The following TAFA1 variants were observed in gnomAD, a reference collection of about 807,000 sequenced individuals.
TAFA1 encodes chemokine-like protein TAFA-1.
TAFA1 carries 4 observed loss-of-function variants against 18.5 expected under a neutral mutation model. The observed-to-expected ratio is 0.22, with a 90% CI of 0.11 to 0.49. The LOEUF (loss-of-function observed/expected upper bound fraction) is 0.49. TAFA1 is among the 20% of genes least tolerant of loss of function. The pLI, the probability that TAFA1 is intolerant of heterozygous loss-of-function variation, is 0.98. For synonymous variants in TAFA1, 56 were observed against 55.2 expected (o/e 1.01, Z -0.06); for missense variants, 147 against 169.0 (o/e 0.87, Z 0.72).
intron 2 of TAFA1, among the ~76,000 whole-genome samples, chr3:68,286,283 AG>A (rs1559599757): frequency 1.3e-5 from 2 of 151,784 alleles, no homozygotes; most frequent in African/African-American, 4.8e-5. Flanking sequence ...AAAATAGACC[AG>A]TATTAGGTGA....
intron 2 of TAFA1, among the ~76,000 whole-genome samples, chr3:68,294,707 G>A (rs2068176807): frequency 6.6e-6 from 1 of 151,772 alleles, no homozygotes. Context: ...CATGATGAAA[G>A]CCCACCTCTA....
At chr3:68,478,916 G>A (rs370381329) in intron 3 of TAFA1, among the ~76,000 whole-genome samples, 2 of 146,674 alleles carry the variant, frequency 1.4e-5, no homozygotes, top group African/African-American at 5.0e-5. Flanking sequence ...GTATATGTGT[G>A]TATATATATA....
intron 2 of TAFA1, among the ~76,000 whole-genome samples, chr3:68,058,198 TG>T (rs1553707889): frequency 6.6e-6 from 1 of 152,202 alleles, no homozygotes; most frequent in Non-Finnish European, 1.5e-5. Flanking sequence ...ACTCGCTATG[TG>T]GCCTTGAGAA....
intron 2 of TAFA1, among the ~76,000 whole-genome samples, chr3:68,341,510 C>T (rs994572717): frequency 4.6e-5 from 7 of 152,088 alleles, no homozygotes; most frequent in Non-Finnish European, 8.8e-5. Flanking sequence ...GGCTCCTAAA[C>T]CATAATTTCT....
intron 2 of TAFA1, among the ~76,000 whole-genome samples, chr3:68,074,170 C>G (rs968923029): frequency 6.6e-6 from 1 of 152,124 alleles, no homozygotes; most frequent in Admixed American, 6.5e-5. Flanking sequence ...CAATAGAGTT[C>G]TTGCTCCTAT....
chr3:68,400,678 TAGA>T (rs2070469237), intron 2 of TAFA1, among the ~76,000 whole-genome samples: 1 of 152,324 alleles, frequency 6.6e-6, no homozygotes, highest in Middle Eastern at 3.4e-3. Flanking sequence ...TGTTGATTCA[TAGA>T]AGATGTTATT....
chr3:68,188,024 T>C (rs1012056474), intron 2 of TAFA1, among the ~76,000 whole-genome samples: 3 of 152,058 alleles, frequency 2.0e-5, no homozygotes, highest in Non-Finnish European at 2.9e-5. Context: ...CTTTGTCTTA[T>C]AGATTTGTAG....
chr3:68,343,920 C>CGCA (rs2106758940), intron 2 of TAFA1, among the ~76,000 whole-genome samples: 1 of 152,208 alleles, frequency 6.6e-6, no homozygotes, highest in East Asian at 1.9e-4. Flanking sequence ...CTCGGCTCAC[C>CGCA]GCAACCTCTG....
At chr3:68,170,963 A>G (rs1043140211) in intron 2 of TAFA1, among the ~76,000 whole-genome samples, 1 of 152,278 alleles carries the variant, frequency 6.6e-6, no homozygotes, top group African/African-American at 2.4e-5. Flanking sequence ...CAGCCAAAAC[A>G]AGAACGAATA....
intron 2 of TAFA1, among the ~76,000 whole-genome samples, chr3:68,078,473 G>C (rs940842860): frequency 6.6e-6 from 1 of 152,158 alleles, no homozygotes; most frequent in Admixed American, 6.5e-5. Flanking sequence ...TTATTATCTT[G>C]AGATACGTCC....
intron 2 of TAFA1, among the ~76,000 whole-genome samples, chr3:68,320,582 C>G (rs954196455): frequency 1.3e-5 from 2 of 152,180 alleles, no homozygotes; most frequent in Non-Finnish European, 2.9e-5. Context: ...CTGTTGGACT[C>G]TGGTACTTAG....
intron 3 of TAFA1, among the ~76,000 whole-genome samples, chr3:68,430,823 A>G (rs1259021291): frequency 1.3e-5 from 2 of 151,964 alleles, no homozygotes; most frequent in Middle Eastern, 3.2e-3. Flanking sequence ...CACACACAGC[A>G]AACAAACAAA....
intron 2 of TAFA1, among the ~76,000 whole-genome samples, chr3:68,029,938 A>G (rs992509586): frequency 6.6e-6 from 1 of 152,136 alleles, no homozygotes; most frequent in Admixed American, 6.6e-5. Flanking sequence ...GGGCAAATAT[A>G]TCTGAAAATG....
intron 2 of TAFA1, among the ~76,000 whole-genome samples, chr3:68,361,403 A>C (rs1321571613): frequency 6.6e-6 from 1 of 152,004 alleles, no homozygotes; most frequent in African/African-American, 2.4e-5. Context: ...AAACATAGAC[A>C]AAAAAGCGCC....
intron 2 of TAFA1, among the ~76,000 whole-genome samples, chr3:68,383,194 T>C (rs566803953): frequency 6.6e-6 from 1 of 152,266 alleles, no homozygotes; most frequent in South Asian, 2.1e-4. Flanking sequence ...TGTTGTCTGA[T>C]TTCACCAGCC....
chr3:68,533,213 G>A (rs1335966622), intron 3 of TAFA1, among the ~76,000 whole-genome samples: 2 of 151,980 alleles, frequency 1.3e-5, no homozygotes, highest in African/African-American at 4.8e-5. Flanking sequence ...AGAAGAAGAG[G>A]TTTAATAGAC....
At chr3:68,016,559 A>T (rs1704574444) in intron 2 of TAFA1, among the ~76,000 whole-genome samples, 1 of 152,186 alleles carries the variant, frequency 6.6e-6, no homozygotes, top group African/African-American at 2.4e-5. Context: ...CTTGTAGCTT[A>T]GGAGCAATAA....
chr3:68,239,904 A>G (rs2066975043), intron 2 of TAFA1, among the ~76,000 whole-genome samples: 1 of 152,226 alleles, frequency 6.6e-6, no homozygotes, highest in Non-Finnish European at 1.5e-5. Context: ...AATATATAAT[A>G]GCACCTTATA....
At chr3:68,238,818 A>G (rs2066961693) in intron 2 of TAFA1, among the ~76,000 whole-genome samples, 1 of 152,178 alleles carries the variant, frequency 6.6e-6, no homozygotes, top group Non-Finnish European at 1.5e-5. Flanking sequence ...GAACATTTAC[A>G]CCGAATGAAA....
Sources: allele counts gnomAD v4.1 joint callset (sites outside exome capture counted in the v4.1 genomes callset), GRCh38; gene constraint gnomAD v4.1.1; transcripts MANE v1.5; gene names NCBI Gene and HGNC (gene_info 2026-07-23, HGNC 2026-07-21).